The following CFAP74 variants were observed in gnomAD, a reference collection of about 807,000 sequenced individuals.
CFAP74 encodes cilia and flagella associated protein 74.
A neutral mutation model predicts 188.9 loss-of-function variants in CFAP74; 124 were observed. That is an observed-to-expected ratio of 0.66 (90% CI 0.57 to 0.76). CFAP74 has a LOEUF of 0.76. Ranked by LOEUF, CFAP74 falls within the 30% of genes least tolerant of loss-of-function variation. The pLI is 0.00. For synonymous variants in CFAP74, 956 were observed against 916.7 expected, an observed-to-expected ratio of 1.04 and a Z score of -0.77; for missense variants, 2,198 against 2,165.2, an observed-to-expected ratio of 1.02 and a Z score of -0.30.
intron 17 of CFAP74, 46 bp downstream of exon 17, chr1:1,956,573 TG>T: frequency 1.2e-6 from 2 of 1,609,108 alleles, no homozygotes; most frequent in Non-Finnish European, 1.7e-6. Context: ...GGACTGGATT[TG>T]GGGGGCAGGT....
intron 1 of CFAP74, among the ~76,000 whole-genome samples, chr1:1,993,738 T>TGAG (rs1657735788): frequency 1.8e-5 from 1 of 54,924 alleles, no homozygotes; most frequent in Non-Finnish European, 4.1e-5. Flanking sequence ...ATCCCAGCAC[T>TGAG]TTGGGAGGCC....
Position 1,922,387 on chromosome 1 carries a change from G to C in CFAP74, c.4820C>G (p.Pro1607Arg), listed in dbSNP as rs766091902. Reference protein sequence around the residue: ...ISWVPPADFDPDHPLMVSALL... With the variant: ...ISWVPPADFDRDHPLMVSALL... Reference sequence around the variant, plus strand: ...GGCCGACACCATGAGTGGGTGGTCTGGCTGGAACAGGAGGGGAGGGGAGAA... The same window carrying C: ...GGCCGACACCATGAGTGGGTGGTCTCGCTGGAACAGGAGGGGAGGGGAGAA... Residue 1607 changes from proline (P) to arginine (R), a missense_variant and splice_region_variant, in exon 39 of 39, where the codon CCA becomes CGA. Physicochemically the swap from Pro to Arg is moderately radical, Grantham distance 103 (BLOSUM62 -2). Coordinates refer to ENST00000682832, the MANE Select transcript of CFAP74 (RefSeq NM_001304360.2). 6.2e-7 allele frequency: 1 copy of C among 1,603,420 alleles called. No individual in the cohort carries two copies.
At chr1:1,995,229 T>C (rs1262588534) in intron 1 of CFAP74, among the ~76,000 whole-genome samples, 1 of 152,172 alleles carries the variant, frequency 6.6e-6, no homozygotes, top group Admixed American at 6.5e-5. Flanking sequence ...CCAGGTGAGG[T>C]GGCTCACACC....
At chr1:1,941,449 G>C (rs1362217011) in intron 22 of CFAP74, among the ~76,000 whole-genome samples, 1 of 152,228 alleles carries the variant, frequency 6.6e-6, no homozygotes, top group Non-Finnish European at 1.5e-5. Flanking sequence ...CAAAAGCAGA[G>C]ACCAGGGGAT....
At chr1:1,950,595 C>T (rs1231351585) in intron 18 of CFAP74, among the ~76,000 whole-genome samples, 1 of 152,116 alleles carries the variant, frequency 6.6e-6, no homozygotes, top group African/African-American at 2.4e-5. Context: ...TCACCTCGGC[C>T]GCCCAAAGTG....
At chr1:1,985,614 T>C in intron 5 of CFAP74, 124 bp from the exon 6 acceptor site, 1 of 748,350 alleles carries the variant, frequency 1.3e-6, no homozygotes, top group Non-Finnish European at 2.3e-6. Flanking sequence ...CTGGGCCACC[T>C]AGCCAATGGA....
chr1:1,961,688 T>C (rs769844103), intron 14 of CFAP74, among the ~76,000 whole-genome samples: 3 of 151,990 alleles, frequency 2.0e-5, no homozygotes, highest in Non-Finnish European at 4.4e-5. Flanking sequence ...CCCTCCAGAC[T>C]TAAAATTAAC....
chr1:1,923,616 C>A lies in CFAP74; in HGVS notation c.4390-117G>T. On this transcript the variant is annotated intron_variant, in intron 35 of 38. Transcript: ENST00000682832. This position sits in a 1 kb window ranked among gnomAD's most constrained non-coding sequence, Gnocchi z 6.3. ...GGACGGCCTGGGGGCCCCGTGGGGC[C>A]CTGGACTCTGGTCTTTCCACTGACG... 2 of 1,528,420 alleles carry A rather than the reference C, an allele frequency of 1.3e-6. No individual in the cohort carries two copies. The highest frequency in any genetic ancestry group is 2.3e-5 in the East Asian group (1 of 44,134). 94.7% of individuals were successfully genotyped at this position (1,528,420 alleles called of 1,614,324 possible).
chr1:1,925,969 C>A (rs749476026), intron 32 of CFAP74, 31 bp from the exon 33 acceptor site: 2 of 1,558,488 alleles, frequency 1.3e-6, no homozygotes, highest in South Asian at 2.4e-5. Context: ...AGCCAGGAAC[C>A]GATGTCTGCT....
chr1:1,973,184 T>A lies in CFAP74; in HGVS notation c.675-137A>T. On this transcript the variant is annotated intron_variant, in intron 7 of 38. Coordinates refer to ENST00000682832, the MANE Select transcript of CFAP74 (RefSeq NM_001304360.2). The surrounding 1 kb of genome is among the most constrained non-coding windows in gnomAD (Gnocchi z 6.2). ...CAGCTCTGTCCCGCACAGCCTCCCT[T>A]GGGGAGGAGCGAGGGTCCCTGGAGA... 3.2e-6 allele frequency: 2 copies of A among 631,962 alleles called. No homozygotes were observed. Among genetic ancestry groups the A allele is most frequent in the Non-Finnish European group, 5.5e-6 (2 of 363,896 alleles). The allele number at this position is 631,962 out of a possible 1,614,324, so 39.1% of individuals were successfully genotyped here.
intron 33 of CFAP74, among the ~76,000 whole-genome samples, chr1:1,925,352 G>A (rs766742979): frequency 1.4e-4 from 22 of 152,052 alleles, no homozygotes; most frequent in Admixed American, 7.9e-4. Flanking sequence ...GAAGGCATGA[G>A]AGCACACAGG....
chr1:1,986,461 T>G (rs897170746), intron 5 of CFAP74, among the ~76,000 whole-genome samples: 2 of 152,118 alleles, frequency 1.3e-5, no homozygotes, highest in Non-Finnish European at 1.5e-5. Flanking sequence ...CTTCCAGGGC[T>G]GGGCTGAACT....
Position 1,940,305 on chromosome 1 carries a change from C to G in CFAP74, c.2703+11G>C. ...GCGCCCAGCATCCCTGGGAAGTGCCCCAACACAGACCTGGTCGGCAACCCA... is the reference window on the plus strand; with the variant it reads ...GCGCCCAGCATCCCTGGGAAGTGCCGCAACACAGACCTGGTCGGCAACCCA... On this transcript the variant is annotated intron_variant, in intron 23 of 38. Transcript: ENST00000682832. The G allele has an allele frequency of 6.5e-7, 1 of 1,534,160 alleles. No homozygotes were observed. The highest frequency in any genetic ancestry group is 8.7e-7 in the Non-Finnish European group (1 of 1,145,528).
In CFAP74 at chr1:1,968,058, G is replaced by A. The variant is rs1655605535; in HGVS notation, c.1245+577C>T. ...TGAATGAATAAGTGTATCAGTGAGT[G>A]AGTGAATGAATGAGTGAATGAGTAA... On this transcript the variant is annotated intron_variant, in intron 11 of 38. Coordinates refer to ENST00000682832, the MANE Select transcript of CFAP74 (RefSeq NM_001304360.2). The surrounding 1 kb of genome is among the most constrained non-coding windows in gnomAD (Gnocchi z 4.3). Among the ~76,000 whole-genome samples the A allele has an allele frequency of 6.6e-6, 1 of 152,166 alleles. No homozygotes were observed. The highest frequency in any genetic ancestry group is 2.1e-4 in the South Asian group (1 of 4,826).
chr1:1,968,848 T>A lies in CFAP74; in HGVS notation c.1047-15A>T. ...CCTCAAAGGCCCTGCGTGGAGTCGCTTCTCAGATGAGTGCAAGAGGTCCCC... is the reference window on the plus strand; with the variant it reads ...CCTCAAAGGCCCTGCGTGGAGTCGCATCTCAGATGAGTGCAAGAGGTCCCC... On this transcript the variant is annotated splice_polypyrimidine_tract_variant and intron_variant, in intron 10 of 38. Transcript: ENST00000682832. This position sits in a 1 kb window ranked among gnomAD's most constrained non-coding sequence, Gnocchi z 4.3. 6.2e-7 allele frequency: 1 copy of A among 1,612,982 alleles called. No homozygotes were observed.
chr1:1,954,345 T>A (rs899539666), intron 18 of CFAP74: 1 of 152,268 alleles, frequency 6.6e-6, no homozygotes, highest in East Asian at 1.9e-4. Flanking sequence ...ATGTGGCCCT[T>A]GTGGAGGAGG....
chr1:1,950,555 G>T (rs1267174153), intron 18 of CFAP74, among the ~76,000 whole-genome samples: 2 of 152,074 alleles, frequency 1.3e-5, no homozygotes, highest in South Asian at 4.1e-4. Context: ...GGCCAGGCTG[G>T]TCTCAAACTC....
Position 1,944,423 on chromosome 1 carries a change from G to T in CFAP74, c.2394C>A (p.Ile798=), listed in dbSNP as rs867671723. 2.0e-6 allele frequency: 3 copies of T among 1,535,938 alleles called. No individual in the cohort carries two copies. The African/African-American group carries it at 4.1e-5, about 21-fold the overall frequency. ...TLHFRVVGVA[I]DVPVWVPKPS... ...GCTTCGGCACCCAGACCGGCACATC[G>T]ATGGCCACGCCCACGACCCTGAAAT... Residue 798 remains isoleucine, a synonymous_variant, in exon 21 of 39, where the codon ATC becomes ATA. Transcript: ENST00000682832.
chr1:1,966,764 C>T (rs1003549566), intron 11 of CFAP74, among the ~76,000 whole-genome samples: 1 of 151,958 alleles, frequency 6.6e-6, no homozygotes, highest in East Asian at 1.9e-4. Flanking sequence ...CAAAATATTT[C>T]CTTTGATAGG....
Sources: allele counts gnomAD v4.1 joint callset (sites outside exome capture counted in the v4.1 genomes callset), GRCh38; gene constraint gnomAD v4.1.1; non-coding constraint Gnocchi (gnomAD v3.1); transcripts MANE v1.5; gene names NCBI Gene and HGNC (gene_info 2026-07-23, HGNC 2026-07-21).